ACER3: variants seen among roughly 807,000 people sequenced by gnomAD.
ACER3 encodes alkaline ceramidase 3.
Under a neutral mutation model 48.9 loss-of-function variants are expected in ACER3, and 16 were observed. That is an observed-to-expected ratio of 0.33 (90% CI 0.22 to 0.50). ACER3 has a LOEUF of 0.50. ACER3 is among the 20% of genes least tolerant of loss of function. The probability of loss-of-function intolerance (pLI) is 0.98; values close to 1 mark genes in which losing one functional copy is unlikely to be tolerated. For missense variants in ACER3, 227 were observed against 326.0 expected, an observed-to-expected ratio of 0.70 and a Z score of 2.34; for synonymous variants, 109 against 107.8, an observed-to-expected ratio of 1.01 and a Z score of -0.07.
At chr11:76,949,350 T>C (rs1376999938) in intron 2 of ACER3, among the ~76,000 whole-genome samples, 1 of 152,188 alleles carries the variant, frequency 6.6e-6, no homozygotes, top group Admixed American at 6.5e-5. Context: ...ATTACTTATT[T>C]TGTGGAGTGT....
chr11:76,864,230 A>G (rs1945015634), intron 1 of ACER3, among the ~76,000 whole-genome samples: 1 of 152,212 alleles, frequency 6.6e-6, no homozygotes, highest in African/African-American at 2.4e-5. Flanking sequence ...AAGGTCTCTC[A>G]TTGTGAAATA....
At chr11:76,976,197 A>G (rs1948439684) in intron 3 of ACER3, 92 bp from the exon 4 acceptor site, 2 of 1,025,048 alleles carry the variant, frequency 2.0e-6, no homozygotes, top group African/African-American at 3.2e-5. Context: ...TAAGAGCTGA[A>G]AATCTTAATC....
At chr11:76,952,369 C>T (rs1947697235) in intron 2 of ACER3, among the ~76,000 whole-genome samples, 1 of 150,846 alleles carries the variant, frequency 6.6e-6, no homozygotes. Context: ...AAGGGATTCT[C>T]CTGCCTCAGC....
intron 2 of ACER3, among the ~76,000 whole-genome samples, chr11:76,952,961 C>T (rs1283827861): frequency 1.3e-5 from 2 of 152,090 alleles, no homozygotes; most frequent in African/African-American, 4.8e-5. Flanking sequence ...CCACCGCACC[C>T]AGCCATGAAG....
chr11:76,945,833 G>A (rs1018212794), intron 2 of ACER3, among the ~76,000 whole-genome samples: 2 of 152,192 alleles, frequency 1.3e-5, no homozygotes, highest in East Asian at 3.9e-4. Context: ...GTCTTTGCTG[G>A]TGTTGCTAGT....
intron 10 of ACER3, 56 bp from the exon 11 acceptor site, chr11:77,020,218 G>T: frequency 6.4e-7 from 1 of 1,567,914 alleles, no homozygotes; most frequent in South Asian, 1.1e-5. Flanking sequence ...CTTTTTCAGG[G>T]ATAACATGGA....
At chr11:76,875,421 T>C (rs1945347963) in intron 1 of ACER3, among the ~76,000 whole-genome samples, 1 of 152,034 alleles carries the variant, frequency 6.6e-6, no homozygotes. Context: ...CGGCCAACAT[T>C]TCATTTTTTT....
chr11:76,936,220 C>T (rs921100645), intron 2 of ACER3, among the ~76,000 whole-genome samples: 2 of 152,068 alleles, frequency 1.3e-5, no homozygotes, highest in African/African-American at 4.8e-5. Context: ...ACTGATATTC[C>T]AATAGACCAT....
At chr11:76,961,401 T>A (rs577834055) in intron 3 of ACER3, among the ~76,000 whole-genome samples, 4 of 152,122 alleles carry the variant, frequency 2.6e-5, no homozygotes, top group Non-Finnish European at 4.4e-5. Flanking sequence ...TTAATACACA[T>A]ATATATACAT....
At chr11:76,882,642 C>T (rs1945558152) in intron 1 of ACER3, among the ~76,000 whole-genome samples, 1 of 152,104 alleles carries the variant, frequency 6.6e-6, no homozygotes, top group Non-Finnish European at 1.5e-5. Flanking sequence ...ATTCTTTTCT[C>T]GTTAGAATAA....
chr11:76,890,931 A>T (rs1436085964), intron 1 of ACER3, among the ~76,000 whole-genome samples: 1 of 152,008 alleles, frequency 6.6e-6, no homozygotes, highest in Non-Finnish European at 1.5e-5. Context: ...ACCCGTGGCC[A>T]ATATGACAAA....
chr11:77,004,879 C>T (rs192199372), intron 7 of ACER3, among the ~76,000 whole-genome samples: 10 of 152,106 alleles, frequency 6.6e-5, no homozygotes, highest in Admixed American at 2.6e-4. Context: ...ATCCACTCTT[C>T]CAATTTCTTT....
chr11:76,883,180 C>T (rs537800580), intron 1 of ACER3, among the ~76,000 whole-genome samples: 5 of 152,176 alleles, frequency 3.3e-5, no homozygotes, highest in Non-Finnish European at 5.9e-5. Context: ...TCTTACACTC[C>T]GGTGCTTCCA....
chr11:76,916,669 C>A (rs1338226036), intron 1 of ACER3, among the ~76,000 whole-genome samples: 1 of 152,142 alleles, frequency 6.6e-6, no homozygotes, highest in African/African-American at 2.4e-5. Context: ...TCAAAATAAC[C>A]ATTTTCAGAT....
intron 9 of ACER3, among the ~76,000 whole-genome samples, chr11:77,017,476 C>T (rs1426601935): frequency 2.0e-5 from 3 of 152,072 alleles, no homozygotes; most frequent in Non-Finnish European, 4.4e-5. Flanking sequence ...TTAAGCAAAA[C>T]GCAAACAAAT....
At position 77,007,485 on chromosome 11, in the gene ACER3, C is replaced by T. The variant is rs148273696; in HGVS notation, c.498-7531C>T. ...TGCTGGGCTGAGTTGGGAGCTCCCT[C>T]TCCCTACTAGGCCACTGCTTTGTCT... On this transcript the variant is annotated intron_variant, in intron 7 of 10. Transcript: ENST00000532485. 2.4e-4 allele frequency among the ~76,000 whole-genome samples: 36 copies of T among 152,306 alleles called. No homozygotes were observed. In the East Asian group the frequency reaches 6.6e-3, roughly 28 times the overall value.
chr11:76,878,826 T>G (rs912331217), intron 1 of ACER3, among the ~76,000 whole-genome samples: 1 of 152,120 alleles, frequency 6.6e-6, no homozygotes, highest in African/African-American at 2.4e-5. Flanking sequence ...CAACAATGTT[T>G]GGTGTTATCA....
chr11:76,976,313 T>C lies in ACER3; in HGVS notation c.292T>C (p.Tyr98His), dbSNP rs1948442632. The C allele has an allele frequency of 6.2e-7, 1 of 1,606,594 alleles. No individual in the cohort carries two copies. Among genetic ancestry groups the C allele is most frequent in the East Asian group, 2.2e-5 (1 of 44,662 alleles). ...MQLLDELPMI[Y>H]SCCIFVYCMF... ...GCTATTGGATGAACTCCCAATGATA[T>C]ACAGCTGTTGCATATTTGTGTACTG... The change falls in exon 4 of 11, where the codon TAC becomes CAC. Residue 98 changes from tyrosine to histidine, a missense_variant. Tyr to His is a moderately conservative substitution (Grantham distance 83, BLOSUM62 2). Transcript: ENST00000532485.
At chr11:76,937,575 T>A (rs1947223883) in intron 2 of ACER3, among the ~76,000 whole-genome samples, 1 of 152,194 alleles carries the variant, frequency 6.6e-6, no homozygotes, top group South Asian at 2.1e-4. Flanking sequence ...AAGTAAAAGA[T>A]GAGAATGTAA....
Sources: allele counts gnomAD v4.1 joint callset (sites outside exome capture counted in the v4.1 genomes callset), GRCh38; gene constraint gnomAD v4.1.1; transcripts MANE v1.5; gene names NCBI Gene and HGNC (gene_info 2026-07-23, HGNC 2026-07-21).